PHEX: variants seen among roughly 807,000 people sequenced by gnomAD.
PHEX encodes the protein phosphate regulating endopeptidase X-linked.
Under a neutral mutation model 68.0 loss-of-function variants are expected in PHEX, and 16 were observed. The observed-to-expected ratio is 0.24, with a 90% CI of 0.16 to 0.36. The LOEUF (loss-of-function observed/expected upper bound fraction) is 0.36. Ranked by LOEUF, PHEX falls within the 10% of genes least tolerant of loss-of-function variation. The pLI is 1.00. For missense variants in PHEX, 480 were observed against 575.5 expected (o/e 0.83, Z 1.70); for synonymous variants, 208 against 205.1 (o/e 1.01, Z -0.12).
In PHEX at chrX:22,235,486, G is replaced by A. The variant is rs1346776782; in HGVS notation, c.2070+7875G>A. Among the ~76,000 whole-genome samples, 3 of 111,281 alleles carry A rather than the reference G, an allele frequency of 2.7e-5. No homozygotes were observed. The Admixed American group carries it at 2.9e-4, about 11-fold the overall frequency. ...AGAGTGCTAGTGGGATCGAGTTTTG[G>A]TGAGGGCTTTCTTCTGGGTTGCACA... On this transcript the variant is annotated intron_variant, in intron 20 of 21. Coordinates refer to ENST00000379374, the MANE Select transcript of PHEX (RefSeq NM_000444.6).
chrX:22,223,372 G>A (rs1422258977), intron 18 of PHEX, among the ~76,000 whole-genome samples: 2 of 110,862 alleles, frequency 1.8e-5, no homozygotes, highest in African/African-American at 3.3e-5. Context: ...CTAGGGCCAC[G>A]TGGTCTACTG....
At chrX:22,126,866 T>G (rs1038517460) in intron 11 of PHEX, among the ~76,000 whole-genome samples, 3 of 73,564 alleles carry the variant, frequency 4.1e-5, no homozygotes, top group Non-Finnish European at 7.2e-5. Flanking sequence ...AAATAGTTGT[T>G]TTTTTTTTTT....
intron 15 of PHEX, among the ~76,000 whole-genome samples, chrX:22,204,008 G>A (rs931841710): frequency 9.0e-6 from 1 of 111,463 alleles, no homozygotes; most frequent in Non-Finnish European, 1.9e-5. Context: ...CAGAGATGGT[G>A]ACTTAATAGG....
intron 12 of PHEX, among the ~76,000 whole-genome samples, chrX:22,139,095 T>C (rs188673849): frequency 3.8e-3 from 423 of 112,228 alleles, no homozygotes; most frequent in Non-Finnish European, 6.4e-3. Flanking sequence ...CCTTTGGAAA[T>C]TACTTAACTT....
At chrX:22,140,469 CTTTATTT>C (rs1156694244) in intron 12 of PHEX, among the ~76,000 whole-genome samples, 1 of 111,402 alleles carries the variant, frequency 9.0e-6, no homozygotes. Flanking sequence ...TTTCTTTTTT[CTTTATTT>C]TATTTTATTT....
intron 15 of PHEX, among the ~76,000 whole-genome samples, chrX:22,203,469 C>G (rs1168490226): frequency 1.8e-5 from 2 of 110,013 alleles, no homozygotes; most frequent in Non-Finnish European, 3.8e-5. Flanking sequence ...TGGCATTCAC[C>G]AAACTACTGC....
intron 5 of PHEX, among the ~76,000 whole-genome samples, chrX:22,087,080 A>T (rs778161086): frequency 1.8e-5 from 2 of 112,128 alleles, no homozygotes; most frequent in South Asian, 3.7e-4. Context: ...AGAAACCATA[A>T]CAATCTGAAA....
At chrX:22,164,908 G>C (rs1356182620) in intron 12 of PHEX, among the ~76,000 whole-genome samples, 1 of 112,010 alleles carries the variant, frequency 8.9e-6, no homozygotes, top group Non-Finnish European at 1.9e-5. Flanking sequence ...CTTTTAGTGT[G>C]TGTAACTCAC....
intron 20 of PHEX, among the ~76,000 whole-genome samples, chrX:22,233,175 CTGTT>C (rs1316137653): frequency 2.7e-5 from 3 of 111,460 alleles, no homozygotes; most frequent in African/African-American, 9.8e-5. Flanking sequence ...GAGAGATCCA[CTGTT>C]TGTTAGCCTG....
chrX:22,092,749 C>CTTTTTTTTTTTTTTTTTTTTTTTTTT (rs370527485), intron 6 of PHEX, among the ~76,000 whole-genome samples: 3 of 77,953 alleles, frequency 3.8e-5, no homozygotes, highest in African/African-American at 1.1e-4. Flanking sequence ...TTCTTTCTTT[C>CTTTTTTTTTTTTTTTTTTTTTTTTTT]TTTTTTTTTT....
chrX:22,138,078 C>G (rs1932305457), intron 12 of PHEX, among the ~76,000 whole-genome samples: 2 of 112,430 alleles, frequency 1.8e-5, no homozygotes, highest in African/African-American at 6.5e-5. Flanking sequence ...CTTTCTTTCT[C>G]TACATATTTC....
chrX:22,213,882 C>T lies in PHEX; in HGVS notation c.1700+924C>T, dbSNP rs1276095791. Among the ~76,000 whole-genome samples, 3 of 112,091 alleles carry T rather than the reference C, an allele frequency of 2.7e-5. No homozygotes were observed. In the Admixed American group the frequency reaches 2.8e-4, roughly 11 times the overall value. ...GCCTTTGGGCTTTCCCGGTAGCAGACCTTGTGGTAAGTATTCAAGTGCAAT... is the reference window on the plus strand; with the variant it reads ...GCCTTTGGGCTTTCCCGGTAGCAGATCTTGTGGTAAGTATTCAAGTGCAAT... On this transcript the variant is annotated intron_variant, in intron 16 of 21. Transcript: ENST00000379374.
At chrX:22,220,398 G>T (rs1211875436) in intron 17 of PHEX, among the ~76,000 whole-genome samples, 1 of 111,121 alleles carries the variant, frequency 9.0e-6, no homozygotes, top group Admixed American at 9.6e-5. Context: ...TTAAAATGTG[G>T]CTGACTTGTA....
rs1208957302 is a variant in PHEX, at chrX:22,226,512, T to C, written c.1965+4T>C. 8.4e-7 allele frequency: 1 copy of C among 1,187,667 alleles called. No individual in the cohort carries two copies. The highest frequency in any genetic ancestry group is 1.1e-6 in the Non-Finnish European group (1 of 876,533). ...AGGCCTGCGGGAAGCTTTTAGGGTA[T>C]GCGCTGCTACATTTACCGTGGTTCT... On this transcript the variant is annotated splice_donor_region_variant and intron_variant, in intron 19 of 21. Transcript: ENST00000379374.
At chrX:22,045,474 A>G (rs178718) in intron 2 of PHEX, among the ~76,000 whole-genome samples, 20,865 of 111,622 alleles carry the variant, frequency 0.19, 1,533 homozygotes, top group Admixed American at 0.26. Flanking sequence ...CTGGAAGAGC[A>G]TTGGAGTTCA....
intron 15 of PHEX, among the ~76,000 whole-genome samples, chrX:22,196,137 C>T (rs144668146): frequency 0.014 from 1,533 of 111,601 alleles, 13 homozygotes; most frequent in Non-Finnish European, 0.02. Flanking sequence ...TATGATTATG[C>T]CACTGTACTC....
rs371425725 is a variant in PHEX at position 22,232,105 on chromosome X, C to G, written c.2070+4494C>G. On this transcript the variant is annotated intron_variant, in intron 20 of 21. Transcript: ENST00000379374. Reference sequence around the variant, plus strand: ...TGAGTGAGTTTCTTAATCCTGAGTTCTAATTTGATTGCACTGAGGTCTGAG... The same window carrying G: ...TGAGTGAGTTTCTTAATCCTGAGTTGTAATTTGATTGCACTGAGGTCTGAG... Among the ~76,000 whole-genome samples the G allele has an allele frequency of 5.4e-5, 6 of 111,948 alleles. No individual in the cohort carries two copies. The South Asian group carries it at 1.5e-3, about 28-fold the overall frequency.
At chrX:22,145,982 G>A (rs1159626958) in intron 12 of PHEX, among the ~76,000 whole-genome samples, 1 of 112,070 alleles carries the variant, frequency 8.9e-6, no homozygotes, top group Non-Finnish European at 1.9e-5. Flanking sequence ...TGTATTTGAT[G>A]TGTTTAAATT....
At chrX:22,230,229 CTTTTTTTTTTTTTTTTTTTTTTTTTTT>C (rs140475343) in intron 20 of PHEX, among the ~76,000 whole-genome samples, 44 of 10,935 alleles carry the variant, frequency 4.0e-3, no homozygotes, top group Non-Finnish European at 6.1e-3. Flanking sequence ...TATATGGGCT[CTTTTTTTTTTTTTTTTTTTTTTTTTTT>C]TTTTTTGGTT....
Sources: allele counts gnomAD v4.1 joint callset (sites outside exome capture counted in the v4.1 genomes callset), GRCh38; gene constraint gnomAD v4.1.1; transcripts MANE v1.5; gene names NCBI Gene and HGNC (gene_info 2026-07-23, HGNC 2026-07-21).